RTN1: variants seen among roughly 807,000 people sequenced by gnomAD.
RTN1 encodes reticulon-1.
A neutral mutation model predicts 65.5 loss-of-function variants in RTN1; 25 were observed. The observed-to-expected ratio is 0.38, with a 90% CI of 0.28 to 0.53. RTN1 has a LOEUF of 0.53. Ranked by LOEUF, RTN1 falls within the 20% of genes least tolerant of loss-of-function variation. RTN1 has a pLI of 0.79. For synonymous variants in RTN1, 471 were observed against 447.6 expected, an observed-to-expected ratio of 1.05 and a Z score of -0.66; for missense variants, 983 against 1,025.4, an observed-to-expected ratio of 0.96 and a Z score of 0.57.
intron 3 of RTN1, among the ~76,000 whole-genome samples, chr14:59,692,544 T>C (rs927166718): frequency 2.0e-5 from 3 of 152,098 alleles, no homozygotes; most frequent in African/African-American, 7.2e-5. Context: ...ACATCTTTCA[T>C]AGATCCAGAA....
intron 1 of RTN1, among the ~76,000 whole-genome samples, chr14:59,853,582 C>A (rs1052711089): frequency 2.6e-5 from 4 of 152,154 alleles, no homozygotes; most frequent in Non-Finnish European, 5.9e-5. Flanking sequence ...CTGCCCAGAC[C>A]TTCACATGTT....
At chr14:59,861,938 G>T (rs1184235504) in intron 1 of RTN1, among the ~76,000 whole-genome samples, 2 of 152,108 alleles carry the variant, frequency 1.3e-5, no homozygotes, top group Non-Finnish European at 2.9e-5. Context: ...CCTTTAGTAT[G>T]AGAATCCAAA....
At chr14:59,741,235 T>C (rs1885110936) in intron 2 of RTN1, among the ~76,000 whole-genome samples, 1 of 152,158 alleles carries the variant, frequency 6.6e-6, no homozygotes, top group African/African-American at 2.4e-5. Flanking sequence ...TCAGGGCCTT[T>C]GCACTGGGAG....
intron 1 of RTN1, among the ~76,000 whole-genome samples, chr14:59,788,334 T>C (rs548453368): frequency 5.3e-5 from 8 of 152,342 alleles, no homozygotes; most frequent in Non-Finnish European, 1.2e-4. Context: ...TTTGCACTCC[T>C]ACCAACAGCA....
At chr14:59,751,092 C>T (rs1171897213) in intron 1 of RTN1, among the ~76,000 whole-genome samples, 2 of 151,728 alleles carry the variant, frequency 1.3e-5, no homozygotes, top group African/African-American at 2.4e-5. Context: ...TAGAAGATTC[C>T]CCCAAATTGC....
intron 1 of RTN1, among the ~76,000 whole-genome samples, chr14:59,778,056 G>A (rs1365194737): frequency 6.6e-6 from 1 of 151,896 alleles, no homozygotes; most frequent in Non-Finnish European, 1.5e-5. Context: ...TGCTGTCCCT[G>A]CTTAAAAAAA....
At chr14:59,742,410 T>A (rs545661971) in intron 2 of RTN1, among the ~76,000 whole-genome samples, 1 of 152,196 alleles carries the variant, frequency 6.6e-6, no homozygotes, top group Non-Finnish European at 1.5e-5. Flanking sequence ...TTGCTTCACT[T>A]TTTTCATGAC....
chr14:59,831,838 T>G (rs141791662), intron 1 of RTN1, among the ~76,000 whole-genome samples: 1 of 151,926 alleles, frequency 6.6e-6, no homozygotes, highest in Non-Finnish European at 1.5e-5. Context: ...CTCTGCCTTG[T>G]TCCCCCCTCA....
At chr14:59,613,557 C>T (rs1371621494) in intron 3 of RTN1, among the ~76,000 whole-genome samples, 3 of 152,154 alleles carry the variant, frequency 2.0e-5, no homozygotes, top group Non-Finnish European at 4.4e-5. Context: ...CTCGGCCTCC[C>T]AAAGTGCTGG....
chr14:59,777,621 G>A (rs1248297466), intron 1 of RTN1, among the ~76,000 whole-genome samples: 14 of 152,030 alleles, frequency 9.2e-5, no homozygotes, highest in Admixed American at 9.2e-4. Context: ...CTGAATCCCA[G>A]CCCCTTTGCC....
intron 3 of RTN1, among the ~76,000 whole-genome samples, chr14:59,702,965 G>A (rs1884211356): frequency 6.6e-6 from 1 of 152,092 alleles, no homozygotes; most frequent in East Asian, 1.9e-4. Context: ...GGCCTTTACT[G>A]CAGTTGTTTC....
rs767467700 is a variant in RTN1 at position 59,727,204 on chromosome 14, C to A, written c.1480G>T (p.Ala494Ser). The change falls in exon 3 of 9, where the codon GCC becomes TCC. Residue 494 changes from alanine to serine, a missense_variant. By Grantham distance (99) the Ala-to-Ser change is moderately conservative. Coordinates refer to ENST00000267484, the MANE Select transcript of RTN1 (RefSeq NM_021136.3). This position sits in a 1 kb window ranked among gnomAD's most constrained non-coding sequence, Gnocchi z 4.2. ...GTCTCCTCCCGGATGGCATCCAGGG[C>A]GCTGGGCTTCATCGGGGGTGAGTCC... ...EQDSPPMKPS[A>S]LDAIREETGV... 33 of 1,578,078 alleles carry A rather than the reference C, an allele frequency of 2.1e-5. No homozygotes were observed. The highest frequency in any genetic ancestry group is 2.7e-5 in the African/African-American group (2 of 74,122).
At position 59,727,373 on chromosome 14, in the gene RTN1, C is replaced by G; in HGVS notation, c.1311G>C (p.Val437=). Reference sequence around the variant, plus strand: ...AGGCGGGCGAGGGCGGCGGGCCGCCCACGTGGCCAAAGCTCACATAGCCTG... The same window carrying G: ...AGGCGGGCGAGGGCGGCGGGCCGCCGACGTGGCCAAAGCTCACATAGCCTG... ...LPSGYVSFGH[V]GGPPPSPASP... Residue 437 remains valine, a synonymous_variant, in exon 3 of 9, where the codon GTG becomes GTC. Coordinates refer to ENST00000267484, the MANE Select transcript of RTN1 (RefSeq NM_021136.3). This position sits in a 1 kb window ranked among gnomAD's most constrained non-coding sequence, Gnocchi z 4.2. 6.5e-7 allele frequency: 1 copy of G among 1,526,812 alleles called. No individual in the cohort carries two copies. The highest frequency in any genetic ancestry group is 8.8e-7 in the Non-Finnish European group (1 of 1,136,352). 94.6% of individuals were successfully genotyped at this position (1,526,812 alleles called of 1,614,324 possible).
At chr14:59,743,879 G>A (rs1357842442) in intron 2 of RTN1, among the ~76,000 whole-genome samples, 1 of 152,188 alleles carries the variant, frequency 6.6e-6, no homozygotes, top group Non-Finnish European at 1.5e-5. Context: ...GTCCCCTGGA[G>A]GCAGGGACTG....
chr14:59,854,250 C>T (rs898262461), intron 1 of RTN1, among the ~76,000 whole-genome samples: 4 of 152,086 alleles, frequency 2.6e-5, no homozygotes, highest in South Asian at 2.1e-4. Context: ...TTTTAGCCAC[C>T]GTCTTCCCCA....
chr14:59,629,442 T>A (rs1351209866), intron 3 of RTN1, among the ~76,000 whole-genome samples: 1 of 152,242 alleles, frequency 6.6e-6, no homozygotes, highest in Non-Finnish European at 1.5e-5. Context: ...CAAAATCAGC[T>A]GCTGCTCCAG....
intron 2 of RTN1, among the ~76,000 whole-genome samples, chr14:59,739,470 G>A (rs1363231963): frequency 6.6e-6 from 1 of 151,534 alleles, no homozygotes; most frequent in Non-Finnish European, 1.5e-5. Flanking sequence ...GAACCCGGGA[G>A]GCTGAGGTTG....
At chr14:59,760,131 T>C (rs1885720074) in intron 1 of RTN1, among the ~76,000 whole-genome samples, 1 of 152,186 alleles carries the variant, frequency 6.6e-6, no homozygotes, top group African/African-American at 2.4e-5. Flanking sequence ...AAACAATGTA[T>C]TGCTATACAT....
intron 3 of RTN1, among the ~76,000 whole-genome samples, chr14:59,649,252 T>C (rs111346121): frequency 0.018 from 2,727 of 152,188 alleles, 75 homozygotes; most frequent in African/African-American, 0.062. Context: ...TATACAAAAG[T>C]TAACTCAAGA....
Sources: gnomAD v4.1 joint callset for allele counts (sites outside exome capture counted in the v4.1 genomes callset) on GRCh38, gnomAD v4.1.1 for gene constraint, Gnocchi (gnomAD v3.1) non-coding constraint, MANE v1.5 for transcripts, NCBI Gene and HGNC (gene_info 2026-07-23, HGNC 2026-07-21) for gene names.